Variants in TENT4A observed in about 807,000 individuals in gnomAD.
TENT4A encodes the protein DNA polymerase kappa.
TENT4A carries 7 observed loss-of-function variants against 72.8 expected under a neutral mutation model. That is an observed-to-expected ratio of 0.10 (90% CI 0.05 to 0.18). TENT4A has a LOEUF of 0.18. TENT4A is among the 10% of genes least tolerant of loss of function. The pLI is 1.00. For missense variants in TENT4A, 831 were observed against 1,017.7 expected, an observed-to-expected ratio of 0.82 and a Z score of 2.50; for synonymous variants, 456 against 434.3, an observed-to-expected ratio of 1.05 and a Z score of -0.62.
At chr5:6,737,408 T>G (rs1741562894) in intron 1 of TENT4A, 102 bp from the exon 2 acceptor site, 1 of 1,061,452 alleles carries the variant, frequency 9.4e-7, no homozygotes, top group African/African-American at 1.6e-5. Flanking sequence ...CTGAATTTCG[T>G]GGCCAGAAAT....
At chr5:6,745,834 C>T in intron 6 of TENT4A, 1 of 325,622 alleles carries the variant, frequency 3.1e-6, no homozygotes, top group South Asian at 2.8e-5. Flanking sequence ...GTTGGTTGTG[C>T]TTCAGCATAA....
In TENT4A at chr5:6,755,917, C is replaced by T. The variant is rs1044108008; in HGVS notation, c.*972C>T. The T allele has an allele frequency of 2.0e-5, 3 of 152,240 alleles. No individual in the cohort carries two copies. The East Asian group carries it at 5.8e-4, about 29-fold the overall frequency. The allele number at this position is 152,240 out of a possible 1,614,324, so 9.4% of individuals were successfully genotyped here. ...GGAAAATGTGAACTGGAAAACGCTT[C>T]GGTCAGTTTTAGTGACATAGCCTGT... On this transcript the variant is annotated 3_prime_UTR_variant, in exon 13 of 13. Coordinates refer to ENST00000230859, the MANE Select transcript of TENT4A (RefSeq NM_006999.6).
At chr5:6,737,927 T>G (rs1367020734) in intron 2 of TENT4A, among the ~76,000 whole-genome samples, 1 of 149,074 alleles carries the variant, frequency 6.7e-6, no homozygotes, top group Admixed American at 6.7e-5. Flanking sequence ...TTTTTTTTTT[T>G]GGAAGGGGGA....
chr5:6,750,431 G>C lies in TENT4A; in HGVS notation c.1788G>C (p.Ser596=). 1 of 1,612,986 alleles carries C rather than the reference G, an allele frequency of 6.2e-7. No individual in the cohort carries two copies. Among genetic ancestry groups the C allele is most frequent in the South Asian group, 1.1e-5 (1 of 90,966 alleles). Reference sequence around the variant, plus strand: ...CCTATGGCCAGCGCTTGACTTTGTCGCTGTCCAGCCCCCAGCTCCTGTCTT... The same window carrying C: ...CCTATGGCCAGCGCTTGACTTTGTCCCTGTCCAGCCCCCAGCTCCTGTCTT... ...ESPYGQRLTL[S]LSSPQLLSSG... The change falls in exon 10 of 13, where the codon TCG becomes TCC. Residue 596 remains serine (S), a synonymous_variant. Transcript: ENST00000230859.
chr5:6,720,883 T>C (rs1740615824), intron 1 of TENT4A, among the ~76,000 whole-genome samples: 1 of 152,132 alleles, frequency 6.6e-6, no homozygotes, highest in South Asian at 2.1e-4. Context: ...TTCTCTTAAG[T>C]TGATAGCAGT....
chr5:6,750,562 C>A (rs1742346658), intron 10 of TENT4A, 59 bp downstream of exon 10: 7 of 1,425,116 alleles, frequency 4.9e-6, no homozygotes, highest in Non-Finnish European at 6.6e-6. Flanking sequence ...TGGTAAATGT[C>A]CATAGCCGCG....
intron 8 of TENT4A, 67 bp from the exon 9 acceptor site, chr5:6,749,490 C>A (rs931723300): frequency 1.0e-6 from 1 of 974,186 alleles, no homozygotes; most frequent in Non-Finnish European, 1.7e-6. Flanking sequence ...GGTAGCTGTT[C>A]GAGAGGGGTT....
intron 1 of TENT4A, among the ~76,000 whole-genome samples, chr5:6,728,173 C>T (rs776958519): frequency 5.3e-5 from 8 of 152,308 alleles, no homozygotes; most frequent in Non-Finnish European, 1.0e-4. Context: ...GGTGCTTTGC[C>T]TCTGAGCTGT....
chr5:6,719,190 A>G (rs560273057), intron 1 of TENT4A, among the ~76,000 whole-genome samples: 25 of 152,366 alleles, frequency 1.6e-4, no homozygotes, highest in African/African-American at 6.0e-4. Flanking sequence ...TAAAGTCTCA[A>G]ACGTTCTTTG....
rs141878766 is a variant in TENT4A at position 6,743,720 on chromosome 5, A to T, written c.1125A>T (p.Ser375=). The change falls in exon 6 of 13, where the codon TCA becomes TCT. Residue 375 remains serine, a synonymous_variant. Coordinates refer to ENST00000230859, the MANE Select transcript of TENT4A (RefSeq NM_006999.6). ...EFIKNYMKKY[S]LLPYLILVLK... ...TCTTTTGGAATTTACAGAAATATTC[A>T]TTGCTGCCTTACTTGATTTTAGTAT... is the stretch of plus-strand genomic sequence containing the variant. 6,112 of 1,606,814 alleles carry T rather than the reference A, an allele frequency of 3.8e-3. 15 individuals carry two copies. Among genetic ancestry groups the T allele is most frequent in the Non-Finnish European group, 4.8e-3 (5,605 of 1,175,212 alleles).
At chr5:6,750,601 C>G in intron 10 of TENT4A, 98 bp downstream of exon 10, 1 of 1,223,834 alleles carries the variant, frequency 8.2e-7, no homozygotes. Context: ...TGGTTTTGCT[C>G]AGGTTTTGTT....
At chr5:6,738,118 G>A (rs1741606814) in intron 2 of TENT4A, among the ~76,000 whole-genome samples, 1 of 152,130 alleles carries the variant, frequency 6.6e-6, no homozygotes, top group Admixed American at 6.5e-5. Context: ...TTTTTGACAT[G>A]TGGAGTGGGG....
chr5:6,737,693 T>C (rs1741575648), intron 2 of TENT4A, 60 bp downstream of exon 2: 1 of 1,558,210 alleles, frequency 6.4e-7, no homozygotes, highest in South Asian at 1.2e-5. Context: ...TTAAATACCC[T>C]GTGATGATGA....
chr5:6,731,025 C>T (rs1000124072), intron 1 of TENT4A, among the ~76,000 whole-genome samples: 6 of 152,138 alleles, frequency 3.9e-5, no homozygotes, highest in East Asian at 1.9e-4. Context: ...CCTATCAGTG[C>T]GATGTAGTAG....
At chr5:6,726,073 G>T (rs551942673) in intron 1 of TENT4A, among the ~76,000 whole-genome samples, 1 of 152,316 alleles carries the variant, frequency 6.6e-6, no homozygotes, top group East Asian at 1.9e-4. Flanking sequence ...CCCAGTGGTG[G>T]TGTTTGTGTC....
At chr5:6,737,778 C>A in intron 2 of TENT4A, 145 bp downstream of exon 2, 1 of 865,542 alleles carries the variant, frequency 1.2e-6, no homozygotes, top group Non-Finnish European at 1.7e-6. Context: ...TTTGAGAAGG[C>A]CTCCGTTGCC....
chr5:6,746,165 T>C, intron 6 of TENT4A, 49 bp from the exon 7 acceptor site: 4 of 1,613,508 alleles, frequency 2.5e-6, no homozygotes, highest in Middle Eastern at 3.3e-4. Flanking sequence ...CTATTTTCTT[T>C]AGAACATGCC....
chr5:6,750,460 G>A lies in TENT4A; in HGVS notation c.1817G>A (p.Gly606Asp). 1 of 1,609,452 alleles carries A rather than the reference G, an allele frequency of 6.2e-7. No homozygotes were observed. Among genetic ancestry groups the A allele is most frequent in the Non-Finnish European group, 8.5e-7 (1 of 1,177,946 alleles). The change falls in exon 10 of 13, where the codon GGC (glycine) becomes GAC (aspartate). Residue 606 changes from glycine to aspartate, a missense_variant. Physicochemically the swap from Gly to Asp is moderately conservative, Grantham distance 94. Coordinates refer to ENST00000230859, the MANE Select transcript of TENT4A (RefSeq NM_006999.6). ...SLSSPQLLSS[G>D]SSASSVSSLS... is the part of the protein sequence containing the mutation. ...TCCAGCCCCCAGCTCCTGTCTTCAG[G>A]CTCCTCGGCCTCTTCTGTGTCTTCA...
At chr5:6,748,850 T>C (rs1249299083) in intron 8 of TENT4A, among the ~76,000 whole-genome samples, 1 of 152,184 alleles carries the variant, frequency 6.6e-6, no homozygotes, top group African/African-American at 2.4e-5. Flanking sequence ...AGGTGATTTC[T>C]GGCTTTTAAA....
Sources: gnomAD v4.1 joint callset for allele counts (sites outside exome capture counted in the v4.1 genomes callset) on GRCh38, gnomAD v4.1.1 for gene constraint, MANE v1.5 for transcripts, NCBI Gene and HGNC (gene_info 2026-07-23, HGNC 2026-07-21) for gene names.